Variants in CALN1 observed in about 807,000 individuals in gnomAD.
CALN1 encodes the protein calneuron 1.
Under a neutral mutation model 30.6 loss-of-function variants are expected in CALN1, and 17 were observed. That is an observed-to-expected ratio of 0.56 (90% CI 0.38 to 0.83). The LOEUF (loss-of-function observed/expected upper bound fraction) is 0.83, where lower values mean the gene tolerates loss of function less well. CALN1 is among the 40% of genes least tolerant of loss of function. CALN1 has a pLI of 0.00. For missense variants in CALN1, 291 were observed against 354.9 expected, an observed-to-expected ratio of 0.82 and a Z score of 1.45; for synonymous variants, 156 against 131.4, an observed-to-expected ratio of 1.19 and a Z score of -1.28.
intron 4 of CALN1, among the ~76,000 whole-genome samples, chr7:72,083,553 C>A (rs1361620533): frequency 6.6e-6 from 1 of 151,922 alleles, no homozygotes; most frequent in Non-Finnish European, 1.5e-5. Flanking sequence ...CACTGCACTT[C>A]AGCCTGGGTG....
intron 3 of CALN1, among the ~76,000 whole-genome samples, chr7:72,270,600 C>T (rs145451820): frequency 2.3e-3 from 351 of 151,914 alleles, no homozygotes; most frequent in Middle Eastern, 6.8e-3. Flanking sequence ...AGTGACACCC[C>T]ATCTCTAAAA....
chr7:71,814,219 A>G lies in CALN1; in HGVS notation c.502-3727T>C, dbSNP rs1197790882. ...AGCCTCTGACCGCTATGGGTATCCCATGTTTTGCTTTCCAGAGGGGAATGT... is the reference window on the plus strand; with the variant it reads ...AGCCTCTGACCGCTATGGGTATCCCGTGTTTTGCTTTCCAGAGGGGAATGT... On this transcript the variant is annotated intron_variant, in intron 5 of 6. Transcript: ENST00000395275. Among the ~76,000 whole-genome samples, 4 of 152,094 alleles carry G rather than the reference A, an allele frequency of 2.6e-5. No individual in the cohort carries two copies. The East Asian group carries it at 7.7e-4, about 29-fold the overall frequency.
chr7:72,283,707 G>A (rs1383219273), intron 2 of CALN1, among the ~76,000 whole-genome samples: 1 of 152,242 alleles, frequency 6.6e-6, no homozygotes, highest in Non-Finnish European at 1.5e-5. Flanking sequence ...AGGAGGGTCA[G>A]TGAGACCTGA....
At chr7:72,146,102 G>A (rs1341220337) in intron 3 of CALN1, among the ~76,000 whole-genome samples, 1 of 152,142 alleles carries the variant, frequency 6.6e-6, no homozygotes, top group Non-Finnish European at 1.5e-5. Context: ...ATTCAACATA[G>A]CGTTGGAAGT....
intron 1 of CALN1, among the ~76,000 whole-genome samples, chr7:72,408,007 G>A (rs779993455): frequency 1.2e-4 from 18 of 152,120 alleles, no homozygotes; most frequent in South Asian, 2.1e-4. Flanking sequence ...TGTGGCACTA[G>A]GTATGCAAAT....
chr7:72,392,702 G>A (rs571751657), intron 2 of CALN1, among the ~76,000 whole-genome samples: 1 of 152,302 alleles, frequency 6.6e-6, no homozygotes, highest in Admixed American at 6.5e-5. Flanking sequence ...ACAGGTCAAT[G>A]CAGTGGCACA....
At chr7:71,834,150 A>G (rs535626593) in intron 5 of CALN1, among the ~76,000 whole-genome samples, 1 of 139,318 alleles carries the variant, frequency 7.2e-6, no homozygotes, top group Non-Finnish European at 1.5e-5. Context: ...TGAATCCAGG[A>G]GGCAAAGGTT....
intron 3 of CALN1, among the ~76,000 whole-genome samples, chr7:72,110,433 G>C (rs774633100): frequency 1.3e-5 from 2 of 152,214 alleles, no homozygotes; most frequent in Admixed American, 1.3e-4. Flanking sequence ...TTACTCTGTA[G>C]TCTGTAGCAA....
intron 5 of CALN1, among the ~76,000 whole-genome samples, chr7:71,971,930 CAAAAAAAAAAA>C (rs764756514): frequency 1.6e-4 from 6 of 38,564 alleles, no homozygotes; most frequent in Non-Finnish European, 2.0e-4. Context: ...GACCCTGTCT[CAAAAAAAAAAA>C]AAAAAAAAAA....
intron 2 of CALN1, among the ~76,000 whole-genome samples, chr7:72,379,248 C>A (rs1421286817): frequency 6.6e-6 from 1 of 152,064 alleles, no homozygotes; most frequent in East Asian, 1.9e-4. Context: ...TCCCACCACA[C>A]CCTCCCAAAG....
At chr7:72,245,769 T>C (rs143170715) in intron 3 of CALN1, among the ~76,000 whole-genome samples, 1 of 152,206 alleles carries the variant, frequency 6.6e-6, no homozygotes, top group Non-Finnish European at 1.5e-5. Flanking sequence ...CCAAAGCCCA[T>C]GGTCTTTCTT....
At chr7:72,063,682 G>C (rs1584865290) in intron 4 of CALN1, among the ~76,000 whole-genome samples, 1 of 152,184 alleles carries the variant, frequency 6.6e-6, no homozygotes, top group Admixed American at 6.5e-5. Context: ...TACAGGTTGA[G>C]TATCCCTAAT....
intron 3 of CALN1, among the ~76,000 whole-genome samples, chr7:72,121,220 T>A: frequency 7.0e-6 from 1 of 143,792 alleles, no homozygotes; most frequent in Admixed American, 7.2e-5. Context: ...TATTATGTAT[T>A]ATATAACTAT....
At chr7:71,890,582 G>A (rs1269771574) in intron 5 of CALN1, among the ~76,000 whole-genome samples, 1 of 151,434 alleles carries the variant, frequency 6.6e-6, no homozygotes, top group Non-Finnish European at 1.5e-5. Flanking sequence ...AAATTATTAA[G>A]AAGAAAAAAA....
chr7:72,155,890 G>A (rs1374029726), intron 3 of CALN1, among the ~76,000 whole-genome samples: 1 of 151,994 alleles, frequency 6.6e-6, no homozygotes, highest in Non-Finnish European at 1.5e-5. Flanking sequence ...ACCAACCATG[G>A]CTCCCTCCTC....
chr7:71,903,069 T>TA lies in CALN1; in HGVS notation c.502-92578dup, dbSNP rs900973072. ...AATTTTTACTTTTTTTTAAAAAAAG[T>TA]AAAAAAATTACTTAACGGGTACAAT... On this transcript the variant is annotated intron_variant, in intron 5 of 6. Coordinates refer to ENST00000395275, the MANE Select transcript of CALN1 (RefSeq NM_031468.4). 4.6e-5 allele frequency among the ~76,000 whole-genome samples: 7 copies of TA among 151,530 alleles called. 1 individual carries two copies. Among genetic ancestry groups the TA allele is most frequent in the South Asian group, 2.1e-4 (1 of 4,810 alleles).
chr7:72,308,045 T>G (rs1227370971), intron 2 of CALN1, among the ~76,000 whole-genome samples: 1 of 152,088 alleles, frequency 6.6e-6, no homozygotes, highest in East Asian at 1.9e-4. Flanking sequence ...TTGCTCAAGA[T>G]GTGTAATAAA....
chr7:72,080,251 C>A lies in CALN1; in HGVS notation c.388+25900G>T, dbSNP rs904586635. ...CACTTTTCCCTATGCCTTAAAACCA[C>A]CCCACTTGCCTAACTCACAAATAAT... On this transcript the variant is annotated intron_variant, in intron 4 of 6. Transcript: ENST00000395275. 2.0e-5 allele frequency among the ~76,000 whole-genome samples: 3 copies of A among 152,210 alleles called. No individual in the cohort carries two copies. In the South Asian group the frequency reaches 6.2e-4, roughly 32 times the overall value.
At chr7:72,399,179 T>C (rs6971756) in intron 2 of CALN1, among the ~76,000 whole-genome samples, 24,836 of 151,116 alleles carry the variant, frequency 0.16, 2,662 homozygotes, top group Non-Finnish European at 0.24. Flanking sequence ...GGCTGACAAA[T>C]GGGAGGACAA....
Sources: allele counts gnomAD v4.1 joint callset (sites outside exome capture counted in the v4.1 genomes callset), GRCh38; gene constraint gnomAD v4.1.1; transcripts MANE v1.5; gene names NCBI Gene and HGNC (gene_info 2026-07-23, HGNC 2026-07-21).